The following SP3 variants were observed in gnomAD, a reference collection of about 807,000 sequenced individuals.
The protein encoded by SP3 is Sp3 transcription factor.
A neutral mutation model predicts 70.3 loss-of-function variants in SP3; 10 were observed. The observed-to-expected ratio is 0.14, with a 90% CI of 0.09 to 0.24. SP3 has a LOEUF of 0.24. Ranked by LOEUF, SP3 falls within the 10% of genes least tolerant of loss-of-function variation. The pLI is 1.00. For missense variants in SP3, 825 were observed against 914.6 expected, an observed-to-expected ratio of 0.90 and a Z score of 1.26; for synonymous variants, 402 against 333.5, an observed-to-expected ratio of 1.21 and a Z score of -2.24.
chr2:173,959,981 G>T (rs935280854), intron 3 of SP3, among the ~76,000 whole-genome samples: 2 of 152,006 alleles, frequency 1.3e-5, no homozygotes, highest in Admixed American at 6.6e-5. Context: ...ACCAGCCTAG[G>T]CAACATGGCG....
At chr2:173,935,383 T>C (rs1344514751) in intron 4 of SP3, among the ~76,000 whole-genome samples, 2 of 152,098 alleles carry the variant, frequency 1.3e-5, no homozygotes, top group Non-Finnish European at 2.9e-5. Context: ...TGATGGAAAA[T>C]AGTAAGACAA....
chr2:173,911,904 C>T (rs1295466723), intron 6 of SP3, among the ~76,000 whole-genome samples: 3 of 151,308 alleles, frequency 2.0e-5, no homozygotes, highest in South Asian at 2.1e-4. Context: ...CTGCAACCGC[C>T]GCCCCATGGG....
chr2:173,954,145 A>T (rs536837494), intron 4 of SP3, among the ~76,000 whole-genome samples: 8 of 152,254 alleles, frequency 5.3e-5, no homozygotes, highest in Non-Finnish European at 8.8e-5. Context: ...CAAAACATTC[A>T]ATCAAATGTT....
At chr2:173,953,409 C>T (rs749765161) in intron 4 of SP3, among the ~76,000 whole-genome samples, 4 of 152,156 alleles carry the variant, frequency 2.6e-5, no homozygotes, top group Admixed American at 2.0e-4. Context: ...AGGAGCAGAG[C>T]GGTGGCTCAC....
Position 173,901,531 on chromosome 2 carries a change from T to C in SP3, c.*8410A>G, listed in dbSNP as rs929833810. Among the ~76,000 whole-genome samples the C allele has an allele frequency of 2.0e-5, 3 of 151,970 alleles. No homozygotes were observed. The highest frequency in any genetic ancestry group is 6.6e-5 in the Admixed American group (1 of 15,256). ...GCAACTCCCATCAGAGGAAAATGGA[T>C]TATGAACTTGTAAAAATATGCTCAA... On this transcript the variant is annotated 3_prime_UTR_variant, in exon 7 of 7. Transcript: ENST00000310015.
intron 5 of SP3, chr2:173,913,610 A>AT (rs1473675763): frequency 1.3e-5 from 2 of 158,398 alleles, no homozygotes; most frequent in African/African-American, 4.8e-5. Context: ...CATAAGCCTG[A>AT]TCCACTTAAT....
rs1436085335 is a variant in SP3 at position 173,903,083 on chromosome 2, CAATT to C, written c.*6854_*6857del. ...AGTTTCGTTAATAAATGTTGGCTGA[CAATT>C]AGGTGGATCAAGGTGACTTAACAAG... On this transcript the variant is annotated 3_prime_UTR_variant, in exon 7 of 7. Transcript: ENST00000310015. Among the ~76,000 whole-genome samples the C allele has an allele frequency of 1.3e-5, 2 of 152,108 alleles. No homozygotes were observed. The highest frequency in any genetic ancestry group is 6.5e-5 in the Admixed American group (1 of 15,278).
chr2:173,954,521 A>T (rs1690816996), intron 4 of SP3, among the ~76,000 whole-genome samples: 1 of 152,204 alleles, frequency 6.6e-6, no homozygotes, highest in Admixed American at 6.5e-5. Flanking sequence ...AATGCATAAA[A>T]ATTTTAATTC....
chr2:173,930,784 T>C (rs1460995977), intron 4 of SP3, among the ~76,000 whole-genome samples: 1 of 152,254 alleles, frequency 6.6e-6, no homozygotes, highest in Non-Finnish European at 1.5e-5. Context: ...ATTCCTTGTA[T>C]AAATTTTGAC....
rs1201964840 is a variant in SP3, at chr2:173,918,586, T to A, written c.1832+7A>T. ...TAAAAATATATATGTGTTTCATGTATGCATACCTTCCACCACCTTCTTTAC... is the reference window on the plus strand; with the variant it reads ...TAAAAATATATATGTGTTTCATGTAAGCATACCTTCCACCACCTTCTTTAC... On this transcript the variant is annotated splice_region_variant and intron_variant, in intron 5 of 6. Transcript: ENST00000310015. 1.2e-6 allele frequency: 2 copies of A among 1,612,436 alleles called. No individual in the cohort carries two copies. Among genetic ancestry groups the A allele is most frequent in the African/African-American group, 2.7e-5 (2 of 74,986 alleles).
chr2:173,928,780 A>G (rs1689986988), intron 4 of SP3, among the ~76,000 whole-genome samples: 1 of 152,232 alleles, frequency 6.6e-6, no homozygotes, highest in South Asian at 2.1e-4. Context: ...TTCACAAAGA[A>G]TAAAAGCCAA....
chr2:173,965,282 G>GCTC lies in SP3; in HGVS notation c.-112_-111insGAG. 7.8e-7 allele frequency: 1 copy of GCTC among 1,282,154 alleles called. No homozygotes were observed. Among genetic ancestry groups the GCTC allele is most frequent in the Non-Finnish European group, 1.1e-6 (1 of 912,544 alleles). The allele number at this position is 1,282,154 out of a possible 1,614,324, so 79.4% of individuals were successfully genotyped here. On this transcript the variant is annotated 5_prime_UTR_variant, in exon 1 of 7. Transcript: ENST00000310015. ...GGAAGCGGCGGCGGACACGGCCGGA[G>GCTC]CGGTCCGGGGATTTTTTTTTCCTAT... is the stretch of plus-strand genomic sequence containing the variant.
At chr2:173,939,798 GGGGA>G (rs1690312425) in intron 4 of SP3, among the ~76,000 whole-genome samples, 1 of 137,840 alleles carries the variant, frequency 7.3e-6, no homozygotes, top group Admixed American at 7.3e-5. Context: ...ACTGATTTTG[GGGGA>G]GGAATTAAAA....
At position 173,910,148 on chromosome 2, in the gene SP3, A is replaced by G. The variant is rs754663414; in HGVS notation, c.2139T>C (p.Ser713=). 9 of 1,613,734 alleles carry G rather than the reference A, an allele frequency of 5.6e-6. No individual in the cohort carries two copies. Among genetic ancestry groups the G allele is most frequent in the Non-Finnish European group, 6.8e-6 (8 of 1,179,832 alleles). The change falls in exon 7 of 7, where the codon AGT becomes AGC. Residue 713 remains serine, a synonymous_variant. Coordinates refer to ENST00000310015, the MANE Select transcript of SP3 (RefSeq NM_003111.5). ...HQNKKGIHSS[S]TVLASVEAAR... Reference sequence around the variant, plus strand: ...CAGCTTCCACAGATGCCAGCACTGTACTGCTAGAGTGAATACCTTTTTTAT... The same window carrying G: ...CAGCTTCCACAGATGCCAGCACTGTGCTGCTAGAGTGAATACCTTTTTTAT...
chr2:173,914,127 A>T (rs1689564219), intron 5 of SP3: 1 of 152,044 alleles, frequency 6.6e-6, no homozygotes, highest in East Asian at 1.9e-4. Context: ...TCATTTGAAT[A>T]GTATTAAACA....
rs563884817 is a variant in SP3, at chr2:173,918,802, A to C, written c.1640-17T>G. 1.0e-4 allele frequency: 159 copies of C among 1,592,656 alleles called. 1 individual carries two copies. The South Asian group carries it at 1.5e-3, about 15-fold the overall frequency. ...TCCTAATATCTAAAGGGAAAAAAAA[A>C]CCAAATACAGATGAGAAGCAACCAA... On this transcript the variant is annotated splice_polypyrimidine_tract_variant and intron_variant, in intron 4 of 6. Transcript: ENST00000310015.
intron 4 of SP3, among the ~76,000 whole-genome samples, chr2:173,927,780 T>C (rs1469296721): frequency 1.3e-5 from 2 of 152,226 alleles, no homozygotes; most frequent in African/African-American, 4.8e-5. Flanking sequence ...ACTTCTAAAA[T>C]TCAAAACCTT....
rs1689184788 is a variant in SP3, at chr2:173,901,249, A to G, written c.*8692T>C. ...TTTAGACAAAAATTTTTATGACAGTAGGTAAAGAATTTCTTAAGACACAAA... is the reference window on the plus strand; with the variant it reads ...TTTAGACAAAAATTTTTATGACAGTGGGTAAAGAATTTCTTAAGACACAAA... On this transcript the variant is annotated 3_prime_UTR_variant, in exon 7 of 7. Transcript: ENST00000310015. Among the ~76,000 whole-genome samples the G allele has an allele frequency of 6.9e-6, 1 of 145,374 alleles. No individual in the cohort carries two copies. Among genetic ancestry groups the G allele is most frequent in the African/African-American group, 2.5e-5 (1 of 39,450 alleles).
At chr2:173,942,911 A>G (rs1392030705) in intron 4 of SP3, among the ~76,000 whole-genome samples, 1 of 152,116 alleles carries the variant, frequency 6.6e-6, no homozygotes, top group Non-Finnish European at 1.5e-5. Flanking sequence ...CAGTACAACT[A>G]TATATATAGC....
Sources: gnomAD v4.1 joint callset for allele counts (sites outside exome capture counted in the v4.1 genomes callset) on GRCh38, gnomAD v4.1.1 for gene constraint, MANE v1.5 for transcripts, NCBI Gene and HGNC (gene_info 2026-07-23, HGNC 2026-07-21) for gene names.